The following WWC2 variants were observed in gnomAD, a reference collection of about 807,000 sequenced individuals.
The protein encoded by WWC2 is protein WWC2.
A neutral mutation model predicts 138.5 loss-of-function variants in WWC2; 101 were observed. That is an observed-to-expected ratio of 0.73 (90% CI 0.62 to 0.86). The LOEUF (loss-of-function observed/expected upper bound fraction) is 0.86, where lower values mean the gene tolerates loss of function less well. Among genes scored for constraint, WWC2 ranks in the 40% least tolerant of loss-of-function variants. WWC2 has a pLI of 0.00. For missense variants in WWC2, 1,420 were observed against 1,419.4 expected (o/e 1.00, Z -0.01); for synonymous variants, 558 against 538.4 (o/e 1.04, Z -0.50).
intron 1 of WWC2, among the ~76,000 whole-genome samples, chr4:183,159,298 CT>C (rs1430248720): frequency 2.0e-5 from 3 of 152,074 alleles, no homozygotes; most frequent in Non-Finnish European, 4.4e-5. Flanking sequence ...CTTGTTCTTG[CT>C]TTTTAAAATT....
At chr4:183,244,710 G>A (rs1388001648) in intron 5 of WWC2, among the ~76,000 whole-genome samples, 1 of 151,982 alleles carries the variant, frequency 6.6e-6, no homozygotes, top group South Asian at 2.1e-4. Context: ...CCCTGTGCCA[G>A]GTTTTGCACA....
At chr4:183,265,167 T>C (rs1737460629) in intron 12 of WWC2, 60 bp downstream of exon 12, 1 of 1,545,094 alleles carries the variant, frequency 6.5e-7, no homozygotes, top group Admixed American at 1.9e-5. Context: ...TGGATGTGGG[T>C]TATATGCTGT....
Position 183,290,528 on chromosome 4 carries a change from A to C in WWC2, c.3384+893A>C, listed in dbSNP as rs530964666. Among the ~76,000 whole-genome samples the C allele has an allele frequency of 7.2e-5, 11 of 152,176 alleles. 1 individual carries two copies. The highest frequency in any genetic ancestry group is 4.1e-4 in the South Asian group (2 of 4,830). ...TGAGACTCCATCTCAAAAAAAAAAA[A>C]AACAGTATTTTTAAAGAAACTATTT... is the stretch of plus-strand genomic sequence containing the variant. On this transcript the variant is annotated intron_variant, in intron 21 of 22. Transcript: ENST00000403733.
rs1309014200 is a variant in WWC2 at position 183,286,083 on chromosome 4, C to T, written c.3141+24C>T. On this transcript the variant is annotated intron_variant, in intron 20 of 22. Transcript: ENST00000403733. Reference sequence around the variant, plus strand: ...GGGTATGTATTCCCTCAGCCACGTCCCACTGTCCCTGGACCAGTCCAGAAT... The same window carrying T: ...GGGTATGTATTCCCTCAGCCACGTCTCACTGTCCCTGGACCAGTCCAGAAT... 2.6e-6 allele frequency: 4 copies of T among 1,549,932 alleles called. No individual in the cohort carries two copies. The South Asian group carries it at 3.6e-5, about 14-fold the overall frequency.
At chr4:183,128,583 A>C (rs1380884063) in intron 1 of WWC2, among the ~76,000 whole-genome samples, 1 of 152,010 alleles carries the variant, frequency 6.6e-6, no homozygotes, top group Non-Finnish European at 1.5e-5. Flanking sequence ...CACCTTCATC[A>C]TTTACTTTCT....
chr4:183,177,999 C>G (rs1734513516), intron 1 of WWC2, among the ~76,000 whole-genome samples: 1 of 152,038 alleles, frequency 6.6e-6, no homozygotes, highest in Non-Finnish European at 1.5e-5. Flanking sequence ...TGTAGAGATC[C>G]CTTAGTTAAA....
At position 183,319,761 on chromosome 4, in the gene WWC2, A is replaced by G; in HGVS notation, c.*4032A>G. 6.2e-7 allele frequency: 1 copy of G among 1,614,044 alleles called. No individual in the cohort carries two copies. Among genetic ancestry groups the G allele is most frequent in the South Asian group, 1.1e-5 (1 of 91,066 alleles). On this transcript the variant is annotated 3_prime_UTR_variant, in exon 23 of 23. Transcript: ENST00000403733. ...CTCCCACCTGGGGACAAAGTCTGGG[A>G]CGTTCTCATCCCAGAACTCCTGAAC...
intron 1 of WWC2, among the ~76,000 whole-genome samples, chr4:183,180,242 G>A (rs149781081): frequency 3.7e-4 from 57 of 152,202 alleles, no homozygotes; most frequent in Non-Finnish European, 6.5e-4. Flanking sequence ...GGCTTCTTTT[G>A]GTAGATTTTT....
At chr4:183,131,396 A>G (rs181033282) in intron 1 of WWC2, among the ~76,000 whole-genome samples, 1 of 152,246 alleles carries the variant, frequency 6.6e-6, no homozygotes, top group Admixed American at 6.5e-5. Flanking sequence ...ACTTCATCAA[A>G]ATTAAATACT....
chr4:183,261,704 C>A (rs899842087), intron 11 of WWC2, among the ~76,000 whole-genome samples, 172 bp downstream of exon 11: 45 of 152,246 alleles, frequency 3.0e-4, no homozygotes, highest in Non-Finnish European at 4.9e-4. Context: ...AGATATTTTT[C>A]ATTATCAAAT....
intron 2 of WWC2, among the ~76,000 whole-genome samples, chr4:183,201,553 G>T (rs141529615): frequency 2.3e-4 from 35 of 152,258 alleles, no homozygotes; most frequent in African/African-American, 8.4e-4. Context: ...TAGAGGCCAG[G>T]TTAAACACCC....
chr4:183,135,394 G>A (rs1733077993), intron 1 of WWC2, among the ~76,000 whole-genome samples: 1 of 150,678 alleles, frequency 6.6e-6, no homozygotes, highest in Admixed American at 6.6e-5. Flanking sequence ...TTTTTTGGTG[G>A]CTACCCTACA....
At chr4:183,261,609 A>G (rs1463201798) in intron 11 of WWC2, 77 bp downstream of exon 11, 16 of 1,449,284 alleles carry the variant, frequency 1.1e-5, no homozygotes, top group Non-Finnish European at 1.4e-5. Flanking sequence ...ATTTTTCCAT[A>G]TAAACAAAGG....
chr4:183,178,728 C>T (rs372179148), intron 1 of WWC2, among the ~76,000 whole-genome samples: 3 of 152,200 alleles, frequency 2.0e-5, no homozygotes, highest in Non-Finnish European at 2.9e-5. Context: ...CATGGAAGCT[C>T]GGACTCAGTC....
intron 2 of WWC2, among the ~76,000 whole-genome samples, chr4:183,207,565 A>T (rs1735481319): frequency 6.6e-6 from 1 of 152,180 alleles, no homozygotes; most frequent in Non-Finnish European, 1.5e-5. Flanking sequence ...ATTAGTGCTG[A>T]TGCAGAGGGC....
At chr4:183,119,528 T>C in intron 1 of WWC2, among the ~76,000 whole-genome samples, 1 of 152,180 alleles carries the variant, frequency 6.6e-6, no homozygotes, top group Non-Finnish European at 1.5e-5. Flanking sequence ...GCTGGGCGCC[T>C]CATTTCAAGA....
chr4:183,264,610 A>G (rs972581373), intron 11 of WWC2, among the ~76,000 whole-genome samples: 1 of 152,244 alleles, frequency 6.6e-6, no homozygotes, highest in African/African-American at 2.4e-5. Flanking sequence ...TCTCTGTGAT[A>G]GAAATGTCAC....
Position 183,284,344 on chromosome 4 carries a change from G to A in WWC2, c.3002G>A (p.Arg1001His). The A allele has an allele frequency of 1.9e-6, 3 of 1,613,764 alleles. No individual in the cohort carries two copies. The highest frequency in any genetic ancestry group is 2.5e-6 in the Non-Finnish European group (3 of 1,179,878). Reference sequence around the variant, plus strand: ...TTTGTGAGGAGCAGTGTGATAGTGCGCTCACAGACCTTTTCTCCAGGAGAG... The same window carrying A: ...TTTGTGAGGAGCAGTGTGATAGTGCACTCACAGACCTTTTCTCCAGGAGAG... ...HPFVRSSVIV[R>H]SQTFSPGERN... The change falls in exon 19 of 23, where the codon CGC becomes CAC. Residue 1001 changes from arginine to histidine, a missense_variant. Physicochemically the swap from Arg to His is conservative, Grantham distance 29. Coordinates refer to ENST00000403733, the MANE Select transcript of WWC2 (RefSeq NM_024949.6).
At chr4:183,181,789 G>A (rs1341522448) in intron 1 of WWC2, among the ~76,000 whole-genome samples, 3 of 152,150 alleles carry the variant, frequency 2.0e-5, no homozygotes, top group Non-Finnish European at 4.4e-5. Flanking sequence ...GAAGTCAACT[G>A]TACATAAGTT....
Sources: gnomAD v4.1 joint callset for allele counts (sites outside exome capture counted in the v4.1 genomes callset) on GRCh38, gnomAD v4.1.1 for gene constraint, MANE v1.5 for transcripts, NCBI Gene and HGNC (gene_info 2026-07-23, HGNC 2026-07-21) for gene names.